The following STXBP4 variants were observed in gnomAD, a reference collection of about 807,000 sequenced individuals.
STXBP4 encodes syntaxin binding protein 4.
Under a neutral mutation model 76.1 loss-of-function variants are expected in STXBP4, and 55 were observed. The ratio of observed to expected loss-of-function variants is 0.72; its 90% CI spans 0.58 to 0.91. The LOEUF is 0.91. Among genes scored for constraint, STXBP4 ranks in the 40% least tolerant of loss-of-function variants. The pLI, the probability that STXBP4 is intolerant of heterozygous loss-of-function variation, is 0.00. For synonymous variants in STXBP4, 201 were observed against 220.2 expected, an observed-to-expected ratio of 0.91 and a Z score of 0.77; for missense variants, 618 against 636.9, an observed-to-expected ratio of 0.97 and a Z score of 0.32.
At chr17:55,083,176 T>A (rs2079278674) in intron 16 of STXBP4, among the ~76,000 whole-genome samples, 2 of 152,112 alleles carry the variant, frequency 1.3e-5, no homozygotes, top group Non-Finnish European at 2.9e-5. Flanking sequence ...GGTCTCTCCA[T>A]GTTGCCCAGG....
At chr17:55,020,055 T>G (rs1408434730) in intron 8 of STXBP4, among the ~76,000 whole-genome samples, 1 of 152,222 alleles carries the variant, frequency 6.6e-6, no homozygotes, top group Non-Finnish European at 1.5e-5. Context: ...ATTTATATCT[T>G]TTTTAGGTTC....
chr17:55,151,511 C>T (rs893249447), intron 17 of STXBP4, among the ~76,000 whole-genome samples: 2 of 152,154 alleles, frequency 1.3e-5, no homozygotes, highest in South Asian at 2.1e-4. Flanking sequence ...TTTGATCATG[C>T]CTGCACTTTG....
intron 17 of STXBP4, among the ~76,000 whole-genome samples, chr17:55,155,371 C>T (rs1473921820): frequency 1.3e-5 from 2 of 152,044 alleles, no homozygotes; most frequent in East Asian, 3.8e-4. Flanking sequence ...ATTGTCATTA[C>T]TACTTGCAGT....
intron 16 of STXBP4, among the ~76,000 whole-genome samples, chr17:55,140,732 T>C (rs1001708755): frequency 2.0e-5 from 3 of 152,196 alleles, no homozygotes; most frequent in Admixed American, 2.0e-4. Context: ...TTTAGCAAAT[T>C]GTTTGGCCGT....
intron 16 of STXBP4, among the ~76,000 whole-genome samples, chr17:55,110,960 G>T (rs1173308376): frequency 6.6e-6 from 1 of 152,214 alleles, no homozygotes; most frequent in East Asian, 1.9e-4. Flanking sequence ...ACTCATAACT[G>T]TACTTCAGGA....
chr17:55,128,313 G>A (rs963806288), intron 16 of STXBP4, among the ~76,000 whole-genome samples: 1 of 152,216 alleles, frequency 6.6e-6, no homozygotes, highest in South Asian at 2.1e-4. Flanking sequence ...GTCTGGGCAG[G>A]TAAGGAGGGA....
chr17:55,176,396 G>A (rs1040739594), downstream of STXBP4, among the ~76,000 whole-genome samples: 1 of 152,226 alleles, frequency 6.6e-6, no homozygotes, highest in Non-Finnish European at 1.5e-5. Context: ...TAATGTCAGG[G>A]TGATGAGACA....
the STXBP4 span, among the ~76,000 whole-genome samples, chr17:55,211,797 T>TTG: frequency 9.0e-6 from 1 of 110,902 alleles, no homozygotes; most frequent in Non-Finnish European, 1.7e-5. Context: ...CTGTTTTTTG[T>TTG]TGTTTTTTTT....
chr17:55,119,867 A>G (rs181441229), intron 16 of STXBP4, among the ~76,000 whole-genome samples: 169 of 152,196 alleles, frequency 1.1e-3, no homozygotes, highest in Non-Finnish European at 1.9e-3. Flanking sequence ...CCTCAAACAA[A>G]AAAATGAGTC....
chr17:55,195,182 T>G, the STXBP4 span, among the ~76,000 whole-genome samples: 2 of 152,150 alleles, frequency 1.3e-5, no homozygotes, highest in African/African-American at 4.8e-5. Flanking sequence ...AGATGGCAGA[T>G]AGCTACCATC....
intron 17 of STXBP4, among the ~76,000 whole-genome samples, chr17:55,143,503 A>AAC (rs953897486): frequency 2.0e-5 from 3 of 152,216 alleles, no homozygotes; most frequent in Admixed American, 6.5e-5. Flanking sequence ...AGAAAGCAGG[A>AAC]ACAAGTGATG....
intron 16 of STXBP4, among the ~76,000 whole-genome samples, chr17:55,121,596 T>C (rs1416811571): frequency 1.3e-5 from 2 of 152,190 alleles, no homozygotes; most frequent in African/African-American, 2.4e-5. Context: ...TAATCCACTC[T>C]TCTGTTGTCT....
At chr17:54,975,165 G>A (rs2077453611) in intron 1 of STXBP4, among the ~76,000 whole-genome samples, 1 of 152,144 alleles carries the variant, frequency 6.6e-6, no homozygotes, top group Admixed American at 6.5e-5. Flanking sequence ...TTGAGACGGA[G>A]TCTCACTCTG....
intron 12 of STXBP4, among the ~76,000 whole-genome samples, chr17:55,068,705 T>C (rs1372883123): frequency 6.6e-6 from 1 of 152,140 alleles, no homozygotes; most frequent in East Asian, 1.9e-4. Flanking sequence ...AGAACTATTA[T>C]AGTTTCTTTA....
intron 17 of STXBP4, among the ~76,000 whole-genome samples, chr17:55,156,801 A>G (rs1159161287): frequency 6.6e-6 from 1 of 152,210 alleles, no homozygotes; most frequent in East Asian, 1.9e-4. Context: ...TATAAGGTTA[A>G]TCAAATTTTA....
chr17:55,115,725 C>A (rs185258682), intron 16 of STXBP4, among the ~76,000 whole-genome samples: 1 of 151,726 alleles, frequency 6.6e-6, no homozygotes, highest in African/African-American at 2.4e-5. Context: ...AATTCCTCAG[C>A]GAAACTCTTC....
chr17:55,111,868 C>A (rs2079722347), intron 16 of STXBP4, among the ~76,000 whole-genome samples: 1 of 151,978 alleles, frequency 6.6e-6, no homozygotes, highest in African/African-American at 2.4e-5. Flanking sequence ...CAGACCTTCA[C>A]AAGACTCACG....
chr17:55,185,290 T>C, the STXBP4 span, among the ~76,000 whole-genome samples: 40 of 90,160 alleles, frequency 4.4e-4, no homozygotes, highest in East Asian at 1.6e-3. Flanking sequence ...TCCTTCTCCT[T>C]CTCCTTCTCC....
At chr17:54,986,553 AG>A (rs1441193861) in intron 3 of STXBP4, among the ~76,000 whole-genome samples, 1 of 152,126 alleles carries the variant, frequency 6.6e-6, no homozygotes, top group Non-Finnish European at 1.5e-5. Flanking sequence ...TGGGAGTTTG[AG>A]GCTGTAGTAT....
Sources: gnomAD v4.1 joint callset for allele counts (sites outside exome capture counted in the v4.1 genomes callset) on GRCh38, gnomAD v4.1.1 for gene constraint, MANE v1.5 for transcripts, NCBI Gene and HGNC (gene_info 2026-07-23, HGNC 2026-07-21) for gene names.